WWOX: variants seen among roughly 807,000 people sequenced by gnomAD.
WWOX encodes the protein WW domain-containing oxidoreductase.
Under a neutral mutation model 46.2 loss-of-function variants are expected in WWOX, and 69 were observed. That is an observed-to-expected ratio of 1.49 (90% CI 1.23 to 1.82). WWOX has a LOEUF of 1.82. Ranked by LOEUF, WWOX falls within the 40% of genes most tolerant of loss-of-function variation. WWOX has a pLI of 0.00. For synonymous variants in WWOX, 359 were observed against 202.6 expected, an observed-to-expected ratio of 1.77 and a Z score of -6.56; for missense variants, 919 against 542.6, an observed-to-expected ratio of 1.69 and a Z score of -6.89.
chr16:79,008,469 C>G (rs374287822), intron 8 of WWOX, among the ~76,000 whole-genome samples: 68 of 152,286 alleles, frequency 4.5e-4, no homozygotes, highest in African/African-American at 1.4e-3. Context: ...ATTATCCCAT[C>G]ATATTCACAG....
At chr16:78,526,312 G>C (rs2043466773) in intron 8 of WWOX, 1 of 152,302 alleles carries the variant, frequency 6.6e-6, no homozygotes, top group African/African-American at 2.4e-5. Flanking sequence ...CTGGATCCTT[G>C]CGACCTTTTC....
At chr16:79,149,284 A>G (rs570214085) in intron 8 of WWOX, among the ~76,000 whole-genome samples, 2 of 152,232 alleles carry the variant, frequency 1.3e-5, no homozygotes, top group Non-Finnish European at 2.9e-5. Context: ...TTTGTATGCC[A>G]ATCTATATGA....
intron 8 of WWOX, among the ~76,000 whole-genome samples, chr16:79,032,567 C>G (rs2151398064): frequency 6.8e-6 from 1 of 147,872 alleles, no homozygotes; most frequent in East Asian, 2.0e-4. Flanking sequence ...ACTTTCCATA[C>G]ATACATATAT....
At chr16:78,686,781 C>T (rs1240551778) in intron 8 of WWOX, among the ~76,000 whole-genome samples, 1 of 152,210 alleles carries the variant, frequency 6.6e-6, no homozygotes, top group East Asian at 1.9e-4. Context: ...AGCTATCTAA[C>T]AGAGACAGAG....
chr16:79,182,520 G>T (rs1194901793), intron 8 of WWOX, among the ~76,000 whole-genome samples: 1 of 152,108 alleles, frequency 6.6e-6, no homozygotes, highest in Admixed American at 6.5e-5. Context: ...GGGATCAGAA[G>T]GAGGGAAAGT....
chr16:78,388,864 G>T (rs528658270), intron 6 of WWOX, among the ~76,000 whole-genome samples: 1 of 151,964 alleles, frequency 6.6e-6, no homozygotes, highest in Non-Finnish European at 1.5e-5. Context: ...AGCTACTTGG[G>T]AGGCTGAGGC....
intron 5 of WWOX, among the ~76,000 whole-genome samples, chr16:78,362,222 G>A (rs1026128915): frequency 1.3e-5 from 2 of 152,084 alleles, no homozygotes; most frequent in African/African-American, 2.4e-5. Flanking sequence ...GTGGGAGCAT[G>A]TTAGTATCAG....
At chr16:78,396,761 A>G (rs551684055) in intron 6 of WWOX, among the ~76,000 whole-genome samples, 2 of 152,358 alleles carry the variant, frequency 1.3e-5, no homozygotes, top group East Asian at 3.9e-4. Flanking sequence ...CTCTGCGGCA[A>G]CCATTCAAGC....
chr16:78,967,193 A>T (rs1014196389), intron 8 of WWOX, among the ~76,000 whole-genome samples: 1 of 151,816 alleles, frequency 6.6e-6, no homozygotes, highest in African/African-American at 2.4e-5. Flanking sequence ...GATACCTGGA[A>T]GGAAAGAGGA....
At chr16:79,102,037 G>T (rs1298174558) in intron 8 of WWOX, among the ~76,000 whole-genome samples, 1 of 128,340 alleles carries the variant, frequency 7.8e-6, no homozygotes, top group Non-Finnish European at 1.7e-5. Context: ...GGGTGGTGGG[G>T]GTGGGGGGCA....
chr16:78,474,640 C>G (rs1035987836), intron 8 of WWOX, among the ~76,000 whole-genome samples: 2 of 151,614 alleles, frequency 1.3e-5, no homozygotes, highest in African/African-American at 4.9e-5. Context: ...AATTCAATGG[C>G]TCAGTCTATT....
At chr16:78,840,085 C>A (rs980202264) in intron 8 of WWOX, among the ~76,000 whole-genome samples, 2 of 152,218 alleles carry the variant, frequency 1.3e-5, no homozygotes, top group African/African-American at 2.4e-5. Context: ...TGAGAACATG[C>A]TTTGCACAAA....
intron 8 of WWOX, among the ~76,000 whole-genome samples, chr16:78,923,399 T>A (rs1028588873): frequency 6.6e-6 from 1 of 152,196 alleles, no homozygotes; most frequent in African/African-American, 2.4e-5. Context: ...GAGCAGTCAT[T>A]TTCTTCTATA....
At chr16:78,898,437 A>C (rs893407420) in intron 8 of WWOX, 2 of 152,166 alleles carry the variant, frequency 1.3e-5, no homozygotes, top group African/African-American at 4.8e-5. Context: ...ATCTTTGTCA[A>C]AAATCAGTTG....
intron 8 of WWOX, among the ~76,000 whole-genome samples, chr16:78,857,055 A>G (rs546918334): frequency 1.7e-4 from 26 of 152,350 alleles, no homozygotes; most frequent in African/African-American, 5.0e-4. Context: ...AAAATATGGT[A>G]TTACAATCTT....
At chr16:78,357,571 C>G (rs1284545935) in intron 5 of WWOX, among the ~76,000 whole-genome samples, 1 of 152,132 alleles carries the variant, frequency 6.6e-6, no homozygotes, top group African/African-American at 2.4e-5. Context: ...AAAACGTGGT[C>G]TGGGACACAT....
chr16:78,702,120 A>ATATATATATTTATTTTATT (rs1207718237), intron 8 of WWOX, among the ~76,000 whole-genome samples: 1 of 130,040 alleles, frequency 7.7e-6, no homozygotes, highest in African/African-American at 3.3e-5. Flanking sequence ...ATATATATAT[A>ATATATATATTTATTTTATT]TATTTATTTA....
At chr16:78,638,076 C>A (rs2046617231) in intron 8 of WWOX, among the ~76,000 whole-genome samples, 1 of 152,166 alleles carries the variant, frequency 6.6e-6, no homozygotes, top group Non-Finnish European at 1.5e-5. Flanking sequence ...TACCGCTTTC[C>A]CCAATCCAAG....
intron 4 of WWOX, among the ~76,000 whole-genome samples, chr16:78,145,613 G>A (rs1282055743): frequency 6.6e-6 from 1 of 152,146 alleles, no homozygotes; most frequent in Non-Finnish European, 1.5e-5. Context: ...TGACTTAAAT[G>A]TTAACCTCCT....
Sources: gnomAD v4.1 joint callset for allele counts (sites outside exome capture counted in the v4.1 genomes callset) on GRCh38, gnomAD v4.1.1 for gene constraint, MANE v1.5 for transcripts, NCBI Gene and HGNC (gene_info 2026-07-23, HGNC 2026-07-21) for gene names.